Variants in DYM observed in about 807,000 individuals in gnomAD.
DYM encodes dymeclin.
A neutral mutation model predicts 93.1 loss-of-function variants in DYM; 78 were observed. The observed-to-expected ratio is 0.84, with a 90% CI of 0.70 to 1.01. DYM has a LOEUF of 1.01. DYM is among the 50% of genes least tolerant of loss of function. DYM has a pLI of 0.00. For missense variants in DYM, 789 were observed against 845.0 expected (o/e 0.93, Z 0.82); for synonymous variants, 321 against 319.7 (o/e 1.00, Z -0.04).
At chr18:49,317,666 TTCCTTCCTTCCTTCCTTC>T (rs2062105121) in intron 8 of DYM, among the ~76,000 whole-genome samples, 2 of 110,620 alleles carry the variant, frequency 1.8e-5, no homozygotes, top group African/African-American at 7.1e-5. Flanking sequence ...CCTTCCTTCC[TTCCTTCCTTCCTTCCTTC>T]CTTCCTTTCT....
chr18:49,237,090 G>A (rs144626915), intron 13 of DYM, among the ~76,000 whole-genome samples: 20 of 152,088 alleles, frequency 1.3e-4, no homozygotes, highest in Non-Finnish European at 2.6e-4. Flanking sequence ...CTTGGAACCC[G>A]GGAATCAATC....
At chr18:49,246,674 G>T (rs1456624457) in intron 13 of DYM, among the ~76,000 whole-genome samples, 1 of 152,182 alleles carries the variant, frequency 6.6e-6, no homozygotes, top group Non-Finnish European at 1.5e-5. Flanking sequence ...GTCCTTCTAA[G>T]TCTATAATTT....
chr18:49,107,970 C>T (rs2081017846), intron 16 of DYM, among the ~76,000 whole-genome samples: 1 of 152,246 alleles, frequency 6.6e-6, no homozygotes, highest in Non-Finnish European at 1.5e-5. Flanking sequence ...GAGGATTCTG[C>T]TGCCTTTTGT....
chr18:49,296,730 T>A (rs1263979002), intron 8 of DYM, among the ~76,000 whole-genome samples: 1 of 152,158 alleles, frequency 6.6e-6, no homozygotes, highest in East Asian at 1.9e-4. Context: ...TTCTCTCATT[T>A]CTCTCTTTTT....
chr18:49,374,754 T>C (rs1008585974), intron 5 of DYM, among the ~76,000 whole-genome samples: 1 of 151,372 alleles, frequency 6.6e-6, no homozygotes, highest in African/African-American at 2.4e-5. Context: ...AGGTCAGGAG[T>C]TCAAGACCAG....
At chr18:49,146,018 C>T (rs972049528) in intron 15 of DYM, among the ~76,000 whole-genome samples, 9 of 152,128 alleles carry the variant, frequency 5.9e-5, no homozygotes, top group African/African-American at 1.7e-4. Context: ...TGATTCCCTA[C>T]CATATGTAAT....
chr18:49,113,252 T>C (rs973389628), intron 16 of DYM, among the ~76,000 whole-genome samples: 1 of 152,224 alleles, frequency 6.6e-6, no homozygotes, highest in Admixed American at 6.5e-5. Context: ...TACCTTACTA[T>C]ACAATGGTTA....
chr18:49,349,915 C>T (rs1369617143), intron 6 of DYM, among the ~76,000 whole-genome samples: 3 of 152,262 alleles, frequency 2.0e-5, no homozygotes, highest in African/African-American at 4.8e-5. Context: ...CGTGATCGCA[C>T]CACTGTACTC....
intron 17 of DYM, among the ~76,000 whole-genome samples, chr18:49,095,953 C>T (rs57723250): frequency 0.015 from 2,215 of 152,242 alleles, 109 homozygotes; most frequent in East Asian, 0.1. Flanking sequence ...CAAGATCCAT[C>T]ACTTCCTGGG....
intron 6 of DYM, among the ~76,000 whole-genome samples, chr18:49,340,192 T>G (rs547480200): frequency 6.8e-4 from 104 of 152,176 alleles, no homozygotes; most frequent in African/African-American, 2.5e-3. Context: ...GATCTCGTGA[T>G]CCGCCCGCCT....
chr18:49,351,292 A>G (rs918192332), intron 6 of DYM, among the ~76,000 whole-genome samples: 1 of 151,872 alleles, frequency 6.6e-6, no homozygotes, highest in Non-Finnish European at 1.5e-5. Context: ...AATCGCTTGA[A>G]CCCGGGAGGT....
chr18:49,351,615 T>C (rs868265195), intron 6 of DYM, among the ~76,000 whole-genome samples: 3 of 151,490 alleles, frequency 2.0e-5, no homozygotes, highest in South Asian at 2.1e-4. Context: ...AGAGCAATGA[T>C]AATCAGATGG....
At chr18:49,080,993 G>A (rs1179945542) in intron 17 of DYM, among the ~76,000 whole-genome samples, 7 of 150,784 alleles carry the variant, frequency 4.6e-5, no homozygotes, top group African/African-American at 1.7e-4. Flanking sequence ...GATGGCGGCC[G>A]GGCAGAGACG....
intron 12 of DYM, among the ~76,000 whole-genome samples, chr18:49,257,813 A>C (rs1208066056): frequency 1.3e-5 from 2 of 149,522 alleles, no homozygotes; most frequent in Non-Finnish European, 3.0e-5. Context: ...GTGCCACTGC[A>C]CTCCTGTGCA....
intron 5 of DYM, among the ~76,000 whole-genome samples, chr18:49,370,564 G>A (rs1313573228): frequency 6.6e-6 from 1 of 151,740 alleles, no homozygotes; most frequent in Non-Finnish European, 1.5e-5. Flanking sequence ...GTCAGGGTTT[G>A]GGACCAGCCT....
At chr18:49,330,805 A>G (rs897116612) in intron 8 of DYM, among the ~76,000 whole-genome samples, 1 of 152,216 alleles carries the variant, frequency 6.6e-6, no homozygotes, top group African/African-American at 2.4e-5. Context: ...AGTAACTCAA[A>G]GAATCTATGC....
intron 14 of DYM, among the ~76,000 whole-genome samples, chr18:49,197,294 G>C (rs2091552380): frequency 6.6e-6 from 1 of 151,990 alleles, no homozygotes; most frequent in African/African-American, 2.4e-5. Flanking sequence ...TACAGAAAAG[G>C]GCTTTAGGAA....
intron 15 of DYM, among the ~76,000 whole-genome samples, chr18:49,123,101 G>A (rs2146074365): frequency 6.6e-6 from 1 of 151,642 alleles, no homozygotes; most frequent in South Asian, 2.1e-4. Flanking sequence ...ATTTATCTTT[G>A]AGGCTACTCA....
chr18:49,096,843 G>A (rs2079591296), intron 17 of DYM, among the ~76,000 whole-genome samples: 1 of 152,126 alleles, frequency 6.6e-6, no homozygotes, highest in Admixed American at 6.5e-5. Flanking sequence ...ATGAATGTGG[G>A]CACTGGAGAT....
Sources: gnomAD v4.1 joint callset for allele counts (sites outside exome capture counted in the v4.1 genomes callset) on GRCh38, gnomAD v4.1.1 for gene constraint, MANE v1.5 for transcripts, NCBI Gene and HGNC (gene_info 2026-07-23, HGNC 2026-07-21) for gene names.